The following ATPAF1 variants were observed in gnomAD, a reference collection of about 807,000 sequenced individuals.
The protein encoded by ATPAF1 is homolog of yeast ATP11.
Under a neutral mutation model 43.9 loss-of-function variants are expected in ATPAF1, and 26 were observed. That is an observed-to-expected ratio of 0.59 (90% CI 0.43 to 0.82). The LOEUF (loss-of-function observed/expected upper bound fraction) is 0.82. Among genes scored for constraint, ATPAF1 ranks in the 40% least tolerant of loss-of-function variants. ATPAF1 has a pLI of 0.00. For synonymous variants in ATPAF1, 157 were observed against 168.0 expected (o/e 0.93, Z 0.50); for missense variants, 366 against 435.0 (o/e 0.84, Z 1.41).
chr1:46,656,201 GAGA>G (rs1198144189), intron 4 of ATPAF1, among the ~76,000 whole-genome samples: 2 of 152,156 alleles, frequency 1.3e-5, no homozygotes, highest in African/African-American at 2.4e-5. Flanking sequence ...GGTAGGGCAG[GAGA>G]AGGAGATAAG....
intron 8 of ATPAF1, chr1:46,636,176 C>T: frequency 1.5e-6 from 1 of 652,436 alleles, no homozygotes; most frequent in Non-Finnish European, 2.7e-6. Context: ...GTATTTATCA[C>T]ACTGTATTGT....
intron 2 of ATPAF1, among the ~76,000 whole-genome samples, chr1:46,659,501 A>G (rs1485307571): frequency 6.6e-6 from 1 of 151,946 alleles, no homozygotes; most frequent in Non-Finnish European, 1.5e-5. Flanking sequence ...GATGGTAGGC[A>G]TCCTCAGCAG....
intron 2 of ATPAF1, among the ~76,000 whole-genome samples, chr1:46,661,142 C>T (rs1275899286): frequency 1.3e-5 from 2 of 151,700 alleles, no homozygotes; most frequent in African/African-American, 2.4e-5. Context: ...GCACAATCTC[C>T]GCTCACTGCA....
exon 9 of ATPAF1, chr1:46,635,885 G>T (rs1274406361): frequency 2.5e-6 from 4 of 1,614,120 alleles, no homozygotes; most frequent in Non-Finnish European, 3.4e-6. Flanking sequence ...GAGGTTAAAG[G>T]TCTCCACTAA....
chr1:46,637,898 G>T (rs1675871518), intron 8 of ATPAF1, among the ~76,000 whole-genome samples: 1 of 152,158 alleles, frequency 6.6e-6, no homozygotes, highest in Admixed American at 6.5e-5. Context: ...TCACAGCCAG[G>T]ACTAGACCTC....
At chr1:46,636,195 T>A (rs1675837829) in intron 8 of ATPAF1, 1 of 599,064 alleles carries the variant, frequency 1.7e-6, no homozygotes, top group African/African-American at 1.9e-5. Flanking sequence ...GTATTTTTCC[T>A]TTTCTTTTTT....
In ATPAF1 at chr1:46,665,259, C is replaced by A. The variant is rs745434644; in HGVS notation, c.372G>T (p.Gln124His). The A allele has an allele frequency of 6.8e-6, 11 of 1,614,130 alleles. No individual in the cohort carries two copies. In the South Asian group the frequency reaches 1.2e-4, roughly 18 times the overall value. ...CACAAATGGGGGAAGGTCTTACCTT[C>A]TGTTCCACACATTTGATAAAATCAC... The change falls in exon 2 of 9, where the codon CAG becomes CAT. Residue 124 changes from glutamine to histidine, a missense_variant. By Grantham distance (24) the Gln-to-His change is conservative. This residue lies in a region of ATPAF1 where 180 missense variants were observed against 266.5 expected (regional missense o/e 0.68). Coordinates refer to ENST00000574428, the Ensembl canonical transcript of ATPAF1.
At chr1:46,633,378 T>C (rs1675784540), downstream of ATPAF1, 1 of 198,170 alleles carries the variant, frequency 5.0e-6, no homozygotes, top group African/African-American at 2.4e-5. Flanking sequence ...ATTCTCACAA[T>C]AATCCTATGA....
intron 7 of ATPAF1, 23 bp downstream of exon 7, chr1:46,645,138 G>C: frequency 6.3e-7 from 1 of 1,587,888 alleles, no homozygotes; most frequent in Non-Finnish European, 8.6e-7. Flanking sequence ...CTTTCCTCTA[G>C]AGGAAGGGCA....
chr1:46,649,090 A>T (rs1676113868), intron 6 of ATPAF1, among the ~76,000 whole-genome samples: 1 of 146,098 alleles, frequency 6.8e-6, no homozygotes, highest in African/African-American at 2.5e-5. Flanking sequence ...TAAACCCAGG[A>T]GGTGGAGGTT....
At chr1:46,651,150 T>TCC (rs1316755315) in intron 6 of ATPAF1, among the ~76,000 whole-genome samples, 1 of 139,074 alleles carries the variant, frequency 7.2e-6, no homozygotes. Context: ...CCCTCCCCAC[T>TCC]CCCCCCACCC....
chr1:46,645,285 G>T, intron 6 of ATPAF1, 29 bp from the exon 7 acceptor site: 1 of 1,512,990 alleles, frequency 6.6e-7, no homozygotes, highest in Non-Finnish European at 9.2e-7. Context: ...CAAGGAGACA[G>T]ATGAATAAAT....
At chr1:46,662,174 G>A (rs560379461) in intron 2 of ATPAF1, among the ~76,000 whole-genome samples, 3 of 152,250 alleles carry the variant, frequency 2.0e-5, no homozygotes, top group African/African-American at 7.2e-5. Context: ...CATTACAGGC[G>A]TGAGCCACCA....
At chr1:46,642,650 G>C (rs1675970137) in intron 8 of ATPAF1, among the ~76,000 whole-genome samples, 1 of 152,140 alleles carries the variant, frequency 6.6e-6, no homozygotes, top group Non-Finnish European at 1.5e-5. Context: ...GCTATCCTAG[G>C]CTTCAATACA....
At chr1:46,641,271 G>T (rs1675944582) in intron 8 of ATPAF1, among the ~76,000 whole-genome samples, 1 of 151,900 alleles carries the variant, frequency 6.6e-6, no homozygotes, top group Non-Finnish European at 1.5e-5. Context: ...TAGACACAGG[G>T]TTTCATCACA....
At chr1:46,644,688 T>A (rs1049609627) in intron 7 of ATPAF1, among the ~76,000 whole-genome samples, 7 of 151,706 alleles carry the variant, frequency 4.6e-5, no homozygotes, top group African/African-American at 1.7e-4. Context: ...TATTTAAAAG[T>A]TAATATTGTT....
chr1:46,668,355 C>T lies in ATPAF1; in HGVS notation c.-33G>A, dbSNP rs1676531964. On this transcript the variant is annotated 5_prime_UTR_variant, in exon 1 of 9. Transcript: ENST00000574428. This position sits in a 1 kb window ranked among gnomAD's most constrained non-coding sequence, Gnocchi z 4.4. ...CCCGCCTCCTCCTCCTCCTCAGGCG[C>T]GTCGGCCTCGGCCCGCGGCCCGCGC... 1 of 1,318,744 alleles carries T rather than the reference C, an allele frequency of 7.6e-7. No homozygotes were observed. The allele number at this position is 1,318,744 out of a possible 1,614,324, so 81.7% of individuals were successfully genotyped here.
intron 1 of ATPAF1, chr1:46,665,724 G>C: frequency 2.6e-6 from 4 of 1,527,100 alleles, no homozygotes; most frequent in Non-Finnish European, 3.5e-6. Flanking sequence ...TCCTTACTAG[G>C]TGTCAAGCTT....
At position 46,653,141 on chromosome 1, in the gene ATPAF1, A is replaced by G. The variant is rs1407014145; in HGVS notation, c.541-513T>C. Among the ~76,000 whole-genome samples, 2 of 152,124 alleles carry G rather than the reference A, an allele frequency of 1.3e-5. No homozygotes were observed. Among genetic ancestry groups the G allele is most frequent in the South Asian group, 2.1e-4 (1 of 4,822 alleles). On this transcript the variant is annotated intron_variant, in intron 5 of 8. Coordinates refer to ENST00000574428, the Ensembl canonical transcript of ATPAF1. This position sits in a 1 kb window ranked among gnomAD's most constrained non-coding sequence, Gnocchi z 4.8. ...ACACTTACTCATGTAATCTCAATAT[A>G]TATTTGTGTGCTTGATAGAAACTTA...
Sources: allele counts gnomAD v4.1 joint callset (sites outside exome capture counted in the v4.1 genomes callset), GRCh38; gene constraint gnomAD v4.1.1; regional missense constraint gnomAD v4.1.1; non-coding constraint Gnocchi (gnomAD v3.1); transcripts MANE v1.5; gene names NCBI Gene and HGNC (gene_info 2026-07-23, HGNC 2026-07-21).